SLC35F4: variants seen among roughly 807,000 people sequenced by gnomAD.
SLC35F4 encodes solute carrier family 35 member F4.
SLC35F4 carries 24 observed loss-of-function variants against 44.2 expected under a neutral mutation model. That is an observed-to-expected ratio of 0.54 (90% confidence interval 0.39 to 0.76). SLC35F4 has a LOEUF of 0.76. Ranked by LOEUF, SLC35F4 falls within the 30% of genes least tolerant of loss-of-function variation. The pLI is 0.00. For missense variants in SLC35F4, 562 were observed against 586.1 expected (o/e 0.96, Z 0.42); for synonymous variants, 238 against 223.6 (o/e 1.06, Z -0.57).
At chr14:57,693,365 T>C (rs935346419) in intron 1 of SLC35F4, among the ~76,000 whole-genome samples, 1 of 152,208 alleles carries the variant, frequency 6.6e-6, no homozygotes, top group Admixed American at 6.5e-5. Context: ...CTGTGACATG[T>C]TCGTGATGGC....
chr14:57,688,010 T>C (rs1566764191), intron 1 of SLC35F4, among the ~76,000 whole-genome samples: 3 of 152,172 alleles, frequency 2.0e-5, no homozygotes, highest in Non-Finnish European at 2.9e-5. Context: ...TAGTTCTCAA[T>C]TCCAGTGCAC....
chr14:57,816,205 G>A (rs916686692), intron 1 of SLC35F4, among the ~76,000 whole-genome samples: 93 of 152,102 alleles, frequency 6.1e-4, no homozygotes, highest in African/African-American at 1.6e-3. Flanking sequence ...GTGTAAAATC[G>A]TATTTTCACG....
intron 1 of SLC35F4, among the ~76,000 whole-genome samples, chr14:57,612,232 C>G (rs1361127567): frequency 6.6e-6 from 1 of 151,952 alleles, no homozygotes; most frequent in African/African-American, 2.4e-5. Context: ...GCCTGGACAA[C>G]AGAGTGAGAT....
chr14:57,941,750 G>A, intron 1 of SLC35F4, among the ~76,000 whole-genome samples: 1 of 152,132 alleles, frequency 6.6e-6, no homozygotes, highest in East Asian at 1.9e-4. Context: ...AACCAAAAGT[G>A]AGAATACATG....
intron 1 of SLC35F4, among the ~76,000 whole-genome samples, chr14:57,796,811 C>T (rs926782789): frequency 1.3e-5 from 2 of 152,162 alleles, no homozygotes; most frequent in Non-Finnish European, 2.9e-5. Context: ...CACTTGCACA[C>T]AAACACACAT....
intron 1 of SLC35F4, among the ~76,000 whole-genome samples, chr14:57,851,479 T>C (rs1886558883): frequency 2.0e-5 from 3 of 152,240 alleles, no homozygotes; most frequent in African/African-American, 7.2e-5. Flanking sequence ...ACCACTGTTA[T>C]ACACTGTAAA....
intron 1 of SLC35F4, among the ~76,000 whole-genome samples, chr14:57,930,496 C>T (rs1261270861): frequency 6.6e-6 from 1 of 152,300 alleles, no homozygotes; most frequent in African/African-American, 2.4e-5. Context: ...TCATCACTCA[C>T]TTCTCTGCCC....
Position 57,938,514 on chromosome 14 carries a change from C to T in SLC35F4, n.282+43399G>A, listed in dbSNP as rs1480213442. 2.0e-5 allele frequency among the ~76,000 whole-genome samples: 3 copies of T among 152,158 alleles called. No homozygotes were observed. In the East Asian group the frequency reaches 5.8e-4, roughly 29 times the overall value. On this transcript the variant is annotated intron_variant and non_coding_transcript_variant, in intron 1 of 1. Transcript: ENST00000556568. ...AAAATGGAGAGAACTATATCCACCT[C>T]ACAGGATTAATGTCATTAAATATCA... is the stretch of plus-strand genomic sequence containing the variant.
intron 1 of SLC35F4, among the ~76,000 whole-genome samples, chr14:57,815,835 A>C (rs1254069131): frequency 6.6e-6 from 1 of 152,176 alleles, no homozygotes; most frequent in African/African-American, 2.4e-5. Context: ...CATAGGCACA[A>C]ATTTTTTTAA....
At chr14:57,750,671 G>A (rs1286604788) in intron 1 of SLC35F4, among the ~76,000 whole-genome samples, 4 of 152,136 alleles carry the variant, frequency 2.6e-5, no homozygotes, top group Non-Finnish European at 5.9e-5. Flanking sequence ...CCATTTGTAT[G>A]TCTTCTTTTG....
chr14:57,634,009 G>A (rs950048261), intron 1 of SLC35F4, among the ~76,000 whole-genome samples: 27 of 152,050 alleles, frequency 1.8e-4, no homozygotes, highest in African/African-American at 6.5e-4. Context: ...GAATCCAGAA[G>A]TAGAGGAAGG....
At chr14:57,674,142 C>T (rs1219561961) in intron 1 of SLC35F4, among the ~76,000 whole-genome samples, 2 of 151,726 alleles carry the variant, frequency 1.3e-5, no homozygotes, top group Non-Finnish European at 2.9e-5. Flanking sequence ...TAGAGAAATG[C>T]AAATTAAAAC....
chr14:57,816,587 G>C (rs1220737595), intron 1 of SLC35F4, among the ~76,000 whole-genome samples: 1 of 152,098 alleles, frequency 6.6e-6, no homozygotes, highest in Non-Finnish European at 1.5e-5. Context: ...AACAACAAAA[G>C]GTACAATAAG....
intron 1 of SLC35F4, among the ~76,000 whole-genome samples, chr14:57,782,398 C>A (rs2077645054): frequency 6.6e-6 from 1 of 150,566 alleles, no homozygotes; most frequent in African/African-American, 2.5e-5. Flanking sequence ...AAGAAAAAGG[C>A]ATGTCATGAA....
chr14:57,966,034 CACCTGTATCAG>C (rs1337537417), intron 1 of SLC35F4, among the ~76,000 whole-genome samples: 1 of 152,194 alleles, frequency 6.6e-6, no homozygotes, highest in Non-Finnish European at 1.5e-5. Context: ...GCCCACAATT[CACCTGTATCAG>C]AATCCTCTGA....
intron 1 of SLC35F4, among the ~76,000 whole-genome samples, chr14:57,688,601 C>T (rs1455943726): frequency 6.6e-6 from 1 of 152,156 alleles, no homozygotes; most frequent in Non-Finnish European, 1.5e-5. Context: ...GATCGCATCT[C>T]CACGGTATGT....
intron 1 of SLC35F4, among the ~76,000 whole-genome samples, chr14:57,950,814 G>C (rs749189169): frequency 6.6e-6 from 1 of 151,880 alleles, no homozygotes; most frequent in Non-Finnish European, 1.5e-5. Context: ...GACTACAGGT[G>C]CCTGCCACCA....
chr14:57,623,711 T>C lies in SLC35F4; in HGVS notation c.104-29587A>G, dbSNP rs192842932. Among the ~76,000 whole-genome samples, 601 of 152,120 alleles carry C rather than the reference T, an allele frequency of 4.0e-3. 3 individuals are homozygous for C. Among genetic ancestry groups the C allele is most frequent in the African/African-American group, 0.014 (583 of 41,478 alleles). On this transcript the variant is annotated intron_variant, in intron 1 of 7. Transcript: ENST00000556826. ...CTGCCATGAATGACTACTGGGTAAA[T>C]AACAAAATTAAGGCAGAAACAAAGA...
intron 1 of SLC35F4, among the ~76,000 whole-genome samples, chr14:57,963,004 G>A (rs1890366570): frequency 6.6e-6 from 1 of 152,140 alleles, no homozygotes; most frequent in African/African-American, 2.4e-5. Context: ...CTGCAGTACT[G>A]CCTTGGCTGC....
Sources: allele counts gnomAD v4.1 joint callset (sites outside exome capture counted in the v4.1 genomes callset), GRCh38; gene constraint gnomAD v4.1.1; transcripts MANE v1.5; gene names NCBI Gene and HGNC (gene_info 2026-07-23, HGNC 2026-07-21).